Variants in ADAM15 observed in about 807,000 individuals in gnomAD.
ADAM15 encodes disintegrin and metalloproteinase domain-containing protein 15.
In ADAM15, 77 loss-of-function variants were observed where a neutral mutation model predicts 113.8. That is an observed-to-expected ratio of 0.68 (90% confidence interval 0.56 to 0.82). The LOEUF (loss-of-function observed/expected upper bound fraction) is 0.82. Ranked by LOEUF, ADAM15 falls within the 40% of genes least tolerant of loss-of-function variation. ADAM15 has a pLI of 0.00. For synonymous variants in ADAM15, 388 were observed against 454.1 expected, an observed-to-expected ratio of 0.85 and a Z score of 1.85; for missense variants, 963 against 1,120.1, an observed-to-expected ratio of 0.86 and a Z score of 2.00.
chr1:155,062,329 G>T lies in ADAM15; in HGVS notation c.2509G>T (p.Gly837Cys). Residue 837 changes from glycine to cysteine, a missense_variant, in exon 22 of 23, where the codon GGC (glycine) becomes TGC (cysteine). Gly to Cys is a radical substitution (Grantham distance 159, BLOSUM62 -3). Coordinates refer to ENST00000356955, the MANE Select transcript of ADAM15 (RefSeq NM_207197.3). The surrounding 1 kb of genome is among the most constrained non-coding windows in gnomAD (Gnocchi z 7.0). ...QGRCPSGDLP[G>C]PGAGIPPLVV... ...CCGGTGCCCATCGGGTGACCTGCCC[G>T]GCCCAGGGGCTGGAATCCCGCCCCT... 1 of 1,540,792 alleles carries T rather than the reference G, an allele frequency of 6.5e-7. No individual in the cohort carries two copies. Among genetic ancestry groups the T allele is most frequent in the Non-Finnish European group, 8.8e-7 (1 of 1,140,732 alleles).
At position 155,057,038 on chromosome 1, in the gene ADAM15, G is replaced by T; in HGVS notation, c.1085G>T (p.Gly362Val). 1 of 1,607,326 alleles carries T rather than the reference G, an allele frequency of 6.2e-7. No individual in the cohort carries two copies. The highest frequency in any genetic ancestry group is 1.3e-5 in the African/African-American group (1 of 74,886). Residue 362 changes from glycine (G) to valine (V), a missense_variant, in exon 11 of 23, where the codon GGG (glycine) becomes GTG (valine). Transcript: ENST00000356955. The surrounding 1 kb of genome is among the most constrained non-coding windows in gnomAD (Gnocchi z 5.0). ...HSLGLDHDLP[G>V]NSCPCPGPAP... ...CTGGGCCTGGACCATGATTTGCCTG[G>T]GAATAGCTGCCCCTGTCCAGGTCCA...
chr1:155,054,563 C>T (rs1180257125), intron 6 of ADAM15, 57 bp downstream of exon 6: 2 of 1,495,820 alleles, frequency 1.3e-6, no homozygotes, highest in African/African-American at 1.4e-5. Flanking sequence ...GATCCCCAGA[C>T]ACTTAGAGCT....
In ADAM15 at chr1:155,056,176, C is replaced by G. The variant is rs762988666; in HGVS notation, c.841C>G (p.Leu281Val). The G allele has an allele frequency of 3.1e-6, 5 of 1,613,944 alleles. No individual in the cohort carries two copies. The highest frequency in any genetic ancestry group is 4.2e-6 in the Non-Finnish European group (5 of 1,180,038). Reference sequence around the variant, plus strand: ...GATCAGCCCAAACCCAGCTGTCACCCTCGAAAACTTCCTCCACTGGCGCAG... The same window carrying G: ...GATCAGCCCAAACCCAGCTGTCACCGTCGAAAACTTCCTCCACTGGCGCAG... Reference protein sequence around the residue: ...VEISPNPAVTLENFLHWRRAH... With the variant: ...VEISPNPAVTVENFLHWRRAH... The change falls in exon 9 of 23, where the codon CTC becomes GTC. Residue 281 changes from leucine (L) to valine (V), a missense_variant. By Grantham distance (32) the Leu-to-Val change is conservative. Transcript: ENST00000356955. The surrounding 1 kb of genome is among the most constrained non-coding windows in gnomAD (Gnocchi z 4.0).
chr1:155,053,798 G>T, intron 3 of ADAM15, 112 bp from the exon 4 acceptor site: 1 of 1,265,248 alleles, frequency 7.9e-7, no homozygotes, highest in Non-Finnish European at 1.1e-6. Context: ...TGGAAAAGTT[G>T]GCTGCGGGGG....
rs115145963 is a variant in ADAM15 at position 155,057,854 on chromosome 1, C to T, written c.1420C>T (p.Arg474Cys). 9.3e-5 allele frequency: 150 copies of T among 1,613,152 alleles called. No homozygotes were observed. In the African/African-American group the frequency reaches 1.6e-3, roughly 18 times the overall value. The change falls in exon 14 of 23, where the codon CGC (arginine) becomes TGC (cysteine). Residue 474 changes from arginine (R) to cysteine (C), a missense_variant. Physicochemically the swap from Arg to Cys is radical, Grantham distance 180 (BLOSUM62 -3). Coordinates refer to ENST00000356955, the MANE Select transcript of ADAM15 (RefSeq NM_207197.3). The surrounding 1 kb of genome is among the most constrained non-coding windows in gnomAD (Gnocchi z 5.0). ...GATGCTCATCCACCCTCCACAGCTG[C>T]GCCCGTCTGGCTGGCAGTGTCGTCC... The part of the protein sequence containing the change: ...DGPCCQNCQL[R>C]PSGWQCRPTR...
chr1:155,058,883 C>A lies in ADAM15; in HGVS notation c.1995+96C>A. 1 of 1,425,692 alleles carries A rather than the reference C, an allele frequency of 7.0e-7. No individual in the cohort carries two copies. The allele number at this position is 1,425,692 out of a possible 1,614,324, so 88.3% of individuals were successfully genotyped here. ...AAATAGACATATCTGGGTTTTAATC[C>A]TTGCTCTACTACTTCCCAGTTGTGT... On this transcript the variant is annotated intron_variant, in intron 16 of 22. Coordinates refer to ENST00000356955, the MANE Select transcript of ADAM15 (RefSeq NM_207197.3). This position sits in a 1 kb window ranked among gnomAD's most constrained non-coding sequence, Gnocchi z 4.3.
At chr1:155,061,742 G>A (rs1446814146) in intron 20 of ADAM15, 162 bp from the exon 21 acceptor site, 2 of 889,124 alleles carry the variant, frequency 2.2e-6, no homozygotes, top group African/African-American at 3.4e-5. Flanking sequence ...TTCCTCCCCT[G>A]AGACATCAGC....
At position 155,057,656 on chromosome 1, in the gene ADAM15, G is replaced by A; in HGVS notation, c.1343G>A (p.Cys448Tyr). 1 of 1,614,204 alleles carries A rather than the reference G, an allele frequency of 6.2e-7. No individual in the cohort carries two copies. The highest frequency in any genetic ancestry group is 1.3e-5 in the African/African-American group (1 of 75,042). Reference protein sequence around the residue: ...GFLDDCVDPCCDSLTCQLRPG... With the variant: ...GFLDDCVDPCYDSLTCQLRPG... ...CCACAGGACTGCGTCGATCCCTGCT[G>A]TGATTCTTTGACCTGCCAGCTGAGG... The change falls in exon 13 of 23, where the codon TGT becomes TAT. Residue 448 changes from cysteine to tyrosine, a missense_variant. Cys to Tyr is a radical substitution (Grantham distance 194). Transcript: ENST00000356955. This position sits in a 1 kb window ranked among gnomAD's most constrained non-coding sequence, Gnocchi z 5.0.
chr1:155,062,626 C>G lies in ADAM15; in HGVS notation c.*124C>G. 1 of 1,325,996 alleles carries G rather than the reference C, an allele frequency of 7.5e-7. No homozygotes were observed. Among genetic ancestry groups the G allele is most frequent in the South Asian group, 1.3e-5 (1 of 74,968 alleles). 82.1% of individuals were successfully genotyped at this position (1,325,996 alleles called of 1,614,324 possible). On this transcript the variant is annotated 3_prime_UTR_variant, in exon 23 of 23. Transcript: ENST00000356955. The surrounding 1 kb of genome is among the most constrained non-coding windows in gnomAD (Gnocchi z 7.0). ...TGGCGGTGTCTTAAGACTCCGGGCA[C>G]CGCCACGCGCTGTCAAGCAACACTC...
intron 6 of ADAM15, 90 bp from the exon 7 acceptor site, chr1:155,055,700 A>G: frequency 7.1e-7 from 1 of 1,400,460 alleles, no homozygotes; most frequent in South Asian, 1.2e-5. Context: ...TTTGACCCAC[A>G]GAGTAGGAGT....
chr1:155,061,992 AGAAG>A lies in ADAM15; in HGVS notation c.2424+19_2424+22del, dbSNP rs768453172. ...AGCCCGAAGGTAACGGTGGGGGGAG[AGAAG>A]GGCACGGCCTCTCCCCCCACCTAGG... On this transcript the variant is annotated intron_variant, in intron 21 of 22. Coordinates refer to ENST00000356955, the MANE Select transcript of ADAM15 (RefSeq NM_207197.3). 6.4e-6 allele frequency: 10 copies of A among 1,563,264 alleles called. No homozygotes were observed. In the East Asian group the frequency reaches 1.6e-4, roughly 25 times the overall value.
chr1:155,060,850 G>A lies in ADAM15; in HGVS notation c.2277+18G>A, dbSNP rs1321503834. On this transcript the variant is annotated intron_variant, in intron 19 of 22. Transcript: ENST00000356955. ...GCACTAAGGTGAGTCCTGGATGCCA[G>A]AGGAAGGGGACTCCACCTTGGCCGG... 1 of 1,605,010 alleles carries A rather than the reference G, an allele frequency of 6.2e-7. No individual in the cohort carries two copies. The highest frequency in any genetic ancestry group is 1.3e-5 in the African/African-American group (1 of 74,996).
chr1:155,054,026 G>A (rs768025751), intron 4 of ADAM15, 38 bp downstream of exon 4: 8 of 1,613,598 alleles, frequency 5.0e-6, no homozygotes, highest in South Asian at 4.4e-5. Flanking sequence ...TGGCTTAGGG[G>A]AAAGAGGGAG....
In ADAM15 at chr1:155,062,262, GC is replaced by G. The variant is rs1662753202; in HGVS notation, c.2447del (p.Pro816HisfsTer30). On this transcript the variant is annotated frameshift_variant, in exon 22 of 23. Transcript: ENST00000356955. LOFTEE classifies it high-confidence loss of function. The surrounding 1 kb of genome is among the most constrained non-coding windows in gnomAD (Gnocchi z 7.0). ...RSPKSQGPAK[P>X]PPPRKPLPAD... ...TCCCTCAGTCTCAGGGGCCAGCCAA[GC>G]CCCCACCCCCAAGGAAGCCACTGCC... is the stretch of plus-strand genomic sequence containing the variant. The G allele has an allele frequency of 1.4e-6, 2 of 1,458,608 alleles. No homozygotes were observed. The highest frequency in any genetic ancestry group is 1.4e-5 in the South Asian group (1 of 69,588). The allele number at this position is 1,458,608 out of a possible 1,614,324, so 90.4% of individuals were successfully genotyped here.
chr1:155,061,527 G>A (rs1268178404), intron 20 of ADAM15, 38 bp downstream of exon 20: 1 of 1,597,238 alleles, frequency 6.3e-7, no homozygotes, highest in Non-Finnish European at 8.6e-7. Context: ...GCCAAGGCAG[G>A]TGGGAGGCTT....
intron 18 of ADAM15, 124 bp from the exon 19 acceptor site, chr1:155,060,639 C>A: frequency 1.8e-6 from 2 of 1,141,492 alleles, no homozygotes; most frequent in East Asian, 2.4e-5. Flanking sequence ...CCCGGCCCTA[C>A]CACAATTTTA....
rs1468538997 is a variant in ADAM15, at chr1:155,060,225, G to A, written c.2089G>A (p.Gly697Arg). Residue 697 changes from glycine to arginine, a missense_variant, in exon 18 of 23, where the codon GGG becomes AGG. By Grantham distance (125) the Gly-to-Arg change is moderately radical (BLOSUM62 -2). Coordinates refer to ENST00000356955, the MANE Select transcript of ADAM15 (RefSeq NM_207197.3). The stretch of plus-strand genomic sequence containing the variant: ...CACAGCAACCAGCTCCCTGACCACA[G>A]GGCTGCTCCTCAGCCTCCTGGTCTT... ...QLKATSSLTT[G>R]LLLSLLVLLV... The A allele has an allele frequency of 1.9e-6, 3 of 1,614,030 alleles. No individual in the cohort carries two copies. Among genetic ancestry groups the A allele is most frequent in the Non-Finnish European group, 2.5e-6 (3 of 1,179,982 alleles).
rs368163638 is a variant in ADAM15 at position 155,060,751 on chromosome 1, C to A, written c.2208-12C>A. ...CTGGGCCCTCTCCCTTCTTGCCTTT[C>A]CTCATGCATAGGGCAGCCCAATCTG... On this transcript the variant is annotated splice_polypyrimidine_tract_variant and intron_variant, in intron 18 of 22. Coordinates refer to ENST00000356955, the MANE Select transcript of ADAM15 (RefSeq NM_207197.3). 1 of 1,613,636 alleles carries A rather than the reference C, an allele frequency of 6.2e-7. No homozygotes were observed. The highest frequency in any genetic ancestry group is 8.5e-7 in the Non-Finnish European group (1 of 1,179,750).
Position 155,058,036 on chromosome 1 carries a change from T to C in ADAM15, c.1602T>C (p.Leu534=), listed in dbSNP as rs1179628667. ...CCTATGCCCAGCAGTGCCAGTCACTTTGGGGACCTGGAGCCCAGCCCGCTG... is the reference window on the plus strand; with the variant it reads ...CCTATGCCCAGCAGTGCCAGTCACTCTGGGGACCTGGAGCCCAGCCCGCTG... ...CASYAQQCQS[L]WGPGAQPAAP... is the part of the protein sequence containing the mutation. Residue 534 remains leucine (L), a synonymous_variant, in exon 14 of 23, where the codon CTT becomes CTC. Coordinates refer to ENST00000356955, the MANE Select transcript of ADAM15 (RefSeq NM_207197.3). This position sits in a 1 kb window ranked among gnomAD's most constrained non-coding sequence, Gnocchi z 4.3. 4 of 1,614,012 alleles carry C rather than the reference T, an allele frequency of 2.5e-6. No individual in the cohort carries two copies. The African/African-American group carries it at 4.0e-5, about 16-fold the overall frequency.
Sources: gnomAD v4.1 joint callset for allele counts on GRCh38, gnomAD v4.1.1 for gene constraint, Gnocchi (gnomAD v3.1) non-coding constraint, MANE v1.5 for transcripts, NCBI Gene and HGNC (gene_info 2026-07-23, HGNC 2026-07-21) for gene names.